The following RPS6KC1 variants were observed in gnomAD, a reference collection of about 807,000 sequenced individuals.
RPS6KC1 encodes the protein ribosomal protein S6 kinase C1.
In RPS6KC1, 54 loss-of-function variants were observed where a neutral mutation model predicts 103.8. The ratio of observed to expected loss-of-function variants is 0.52; its 90% CI spans 0.42 to 0.65. RPS6KC1 has a LOEUF of 0.65. Ranked by LOEUF, RPS6KC1 falls within the 30% of genes least tolerant of loss-of-function variation. The pLI is 0.00. For missense variants in RPS6KC1, 1,151 were observed against 1,253.8 expected, an observed-to-expected ratio of 0.92 and a Z score of 1.24; for synonymous variants, 439 against 438.7, an observed-to-expected ratio of 1.00 and a Z score of -0.01.
chr1:213,177,206 G>C (rs1573032084), intron 8 of RPS6KC1, among the ~76,000 whole-genome samples: 1 of 152,108 alleles, frequency 6.6e-6, no homozygotes, highest in East Asian at 1.9e-4. Flanking sequence ...TAACAGTACT[G>C]TTCCTATCAG....
At chr1:213,461,042 C>T in the RPS6KC1 span, among the ~76,000 whole-genome samples, 3 of 152,074 alleles carry the variant, frequency 2.0e-5, no homozygotes, top group African/African-American at 7.2e-5. Flanking sequence ...AAAACCCCAT[C>T]GTCTCAGCCC....
In RPS6KC1 at chr1:213,102,657, G is replaced by A. The variant is rs368755110; in HGVS notation, c.263-1797G>A. 3.5e-4 allele frequency among the ~76,000 whole-genome samples: 53 copies of A among 152,254 alleles called. No homozygotes were observed. In the East Asian group the frequency reaches 5.2e-3, roughly 15 times the overall value. On this transcript the variant is annotated intron_variant, in intron 3 of 14. Coordinates refer to ENST00000366960, the MANE Select transcript of RPS6KC1 (RefSeq NM_012424.6). The stretch of plus-strand genomic sequence containing the variant: ...GAAAGCAAGAACAAATATTTGGATA[G>A]CAGTGGACAGCCTATTCCATAGTAA...
the RPS6KC1 span, among the ~76,000 whole-genome samples, chr1:213,729,451 A>G: frequency 6.6e-6 from 1 of 152,212 alleles, no homozygotes; most frequent in Admixed American, 6.5e-5. Flanking sequence ...TTCCAAATGC[A>G]GCATCATTTA....
At chr1:213,859,183 AAG>A in the RPS6KC1 span, among the ~76,000 whole-genome samples, 4 of 152,220 alleles carry the variant, frequency 2.6e-5, no homozygotes, top group Non-Finnish European at 2.9e-5. Flanking sequence ...AGTTGTAAGA[AAG>A]AGAGAATCTC....
At chr1:213,525,010 G>C in the RPS6KC1 span, among the ~76,000 whole-genome samples, 1 of 152,162 alleles carries the variant, frequency 6.6e-6, no homozygotes, top group African/African-American at 2.4e-5. Context: ...CTACAGAGTC[G>C]TTAGGAAGAG....
the RPS6KC1 span, among the ~76,000 whole-genome samples, chr1:213,583,832 A>AG: frequency 2.8e-5 from 4 of 144,972 alleles, no homozygotes; most frequent in African/African-American, 1.0e-4. Context: ...AAAAAAAAAA[A>AG]AAAAAAGAAA....
the RPS6KC1 span, among the ~76,000 whole-genome samples, chr1:213,641,192 C>CT: frequency 6.6e-6 from 1 of 151,638 alleles, no homozygotes; most frequent in Non-Finnish European, 1.5e-5. Context: ...TTTTATTGCT[C>CT]TTTCAAGCAC....
At chr1:213,176,570 C>T in intron 8 of RPS6KC1, 78 bp downstream of exon 8, 1 of 944,498 alleles carries the variant, frequency 1.1e-6, no homozygotes, top group Non-Finnish European at 1.6e-6. Flanking sequence ...AGCTTTGGAT[C>T]TTAAGGATAT....
chr1:213,573,507 C>A, the RPS6KC1 span, among the ~76,000 whole-genome samples: 1 of 152,208 alleles, frequency 6.6e-6, no homozygotes, highest in Non-Finnish European at 1.5e-5. Context: ...GTGATCTGCA[C>A]TCTTTATCTG....
intron 3 of RPS6KC1, among the ~76,000 whole-genome samples, chr1:213,096,022 GGT>G (rs2081418844): frequency 6.6e-6 from 1 of 152,174 alleles, no homozygotes; most frequent in Non-Finnish European, 1.5e-5. Context: ...AACATGTGAT[GGT>G]GTTTGATAGC....
At chr1:213,698,199 C>T in the RPS6KC1 span, among the ~76,000 whole-genome samples, 32 of 152,246 alleles carry the variant, frequency 2.1e-4, no homozygotes, top group Middle Eastern at 6.8e-3. Context: ...TTCTCACCTT[C>T]GATTTTTGTC....
the RPS6KC1 span, among the ~76,000 whole-genome samples, chr1:213,317,750 G>A: frequency 3.3e-5 from 5 of 152,246 alleles, no homozygotes; most frequent in African/African-American, 1.2e-4. Context: ...AGCAGTCACT[G>A]TTATTGGTCA....
chr1:213,307,751 A>C, the RPS6KC1 span, among the ~76,000 whole-genome samples: 2 of 152,078 alleles, frequency 1.3e-5, no homozygotes, highest in Admixed American at 1.3e-4. Flanking sequence ...TGGCTTCTCC[A>C]TAGGATCTAT....
At chr1:213,657,762 C>G in the RPS6KC1 span, among the ~76,000 whole-genome samples, 5 of 152,218 alleles carry the variant, frequency 3.3e-5, no homozygotes, top group Non-Finnish European at 7.3e-5. Flanking sequence ...TTTTGCTGCT[C>G]TTACAACACT....
chr1:213,602,118 T>C, the RPS6KC1 span, among the ~76,000 whole-genome samples: 96 of 8,846 alleles, frequency 0.011, 4 homozygotes, highest in African/African-American at 0.027. Flanking sequence ...CTTTCTTTCT[T>C]TCTCTTTCTT....
At chr1:213,853,231 T>C in the RPS6KC1 span, among the ~76,000 whole-genome samples, 2 of 152,208 alleles carry the variant, frequency 1.3e-5, no homozygotes, top group African/African-American at 4.8e-5. Context: ...GCCATGGCCT[T>C]CAGCCACATG....
At chr1:213,820,327 C>A in the RPS6KC1 span, 3 of 152,260 alleles carry the variant, frequency 2.0e-5, no homozygotes, top group Non-Finnish European at 4.4e-5. Flanking sequence ...CTGCCTTCTC[C>A]TGGTTTCTCC....
At chr1:213,719,718 C>T in the RPS6KC1 span, among the ~76,000 whole-genome samples, 633 of 152,146 alleles carry the variant, frequency 4.2e-3, no homozygotes, top group Non-Finnish European at 6.1e-3. Flanking sequence ...TCCCCATTGG[C>T]CAAGCCAAAC....
chr1:213,407,216 GCGCACA>G, the RPS6KC1 span, among the ~76,000 whole-genome samples: 7,169 of 92,798 alleles, frequency 0.077, 426 homozygotes, highest in African/African-American at 0.16. Flanking sequence ...ACATGCACGC[GCGCACA>G]CACACACACA....
Sources: allele counts gnomAD v4.1 joint callset (sites outside exome capture counted in the v4.1 genomes callset), GRCh38; gene constraint gnomAD v4.1.1; transcripts MANE v1.5; gene names NCBI Gene and HGNC (gene_info 2026-07-23, HGNC 2026-07-21).